The following GPC5 variants were observed in gnomAD, a reference collection of about 807,000 sequenced individuals.
GPC5 encodes the protein glypican-5.
A neutral mutation model predicts 53.9 loss-of-function variants in GPC5; 47 were observed. That is an observed-to-expected ratio of 0.87 (90% CI 0.69 to 1.11). The LOEUF is 1.11. Ranked by LOEUF, GPC5 falls within the 50% of genes most tolerant of loss-of-function variation. The probability of loss-of-function intolerance (pLI) is 0.00; values close to 1 mark genes in which losing one functional copy is unlikely to be tolerated. For missense variants in GPC5, 748 were observed against 713.1 expected (o/e 1.05, Z -0.56); for synonymous variants, 286 against 263.3 (o/e 1.09, Z -0.84).
intron 6 of GPC5, among the ~76,000 whole-genome samples, chr13:91,922,529 G>A (rs564787712): frequency 3.3e-5 from 5 of 152,030 alleles, no homozygotes; most frequent in South Asian, 4.1e-4. Flanking sequence ...AAATTATTAC[G>A]TTGACTTGAA....
intron 2 of GPC5, among the ~76,000 whole-genome samples, chr13:91,522,975 A>C (rs138968668): frequency 5.3e-5 from 8 of 152,348 alleles, no homozygotes; most frequent in African/African-American, 1.9e-4. Context: ...CAGTAAACAT[A>C]CATGAGCTGC....
intron 7 of GPC5, among the ~76,000 whole-genome samples, chr13:92,528,602 T>A (rs550491921): frequency 3.9e-5 from 6 of 152,088 alleles, no homozygotes; most frequent in Admixed American, 2.0e-4. Context: ...CTTGATGAAG[T>A]GATCTATTAA....
intron 2 of GPC5, among the ~76,000 whole-genome samples, chr13:91,548,755 T>C (rs2030444029): frequency 6.6e-6 from 1 of 152,086 alleles, no homozygotes; most frequent in African/African-American, 2.4e-5. Flanking sequence ...AACAGACAAA[T>C]GGATCAATGG....
intron 7 of GPC5, among the ~76,000 whole-genome samples, chr13:92,602,222 T>TAC: frequency 1.5e-5 from 1 of 67,718 alleles, no homozygotes; most frequent in South Asian, 6.5e-4. Flanking sequence ...TATATATAAA[T>TAC]ATATATATAA....
chr13:92,250,889 T>C (rs901473367), intron 7 of GPC5, among the ~76,000 whole-genome samples: 1 of 152,042 alleles, frequency 6.6e-6, no homozygotes, highest in Non-Finnish European at 1.5e-5. Flanking sequence ...AAAAGGATGT[T>C]TATACCGCAT....
At chr13:92,137,052 G>A (rs554043704) in intron 6 of GPC5, among the ~76,000 whole-genome samples, 3 of 151,528 alleles carry the variant, frequency 2.0e-5, no homozygotes, top group East Asian at 1.9e-4. Flanking sequence ...AGCACGTTCC[G>A]AAAGTTGTTT....
chr13:91,475,648 T>C (rs752030942), intron 2 of GPC5, among the ~76,000 whole-genome samples: 5 of 152,100 alleles, frequency 3.3e-5, no homozygotes, highest in Admixed American at 6.6e-5. Context: ...GGTGGGGATG[T>C]GTGTAGAACT....
chr13:92,337,193 C>A (rs571679968), intron 7 of GPC5, among the ~76,000 whole-genome samples: 4 of 113,266 alleles, frequency 3.5e-5, no homozygotes, highest in East Asian at 2.2e-4. Context: ...GTTAGCAGCA[C>A]CCCCCACCCA....
intron 2 of GPC5, among the ~76,000 whole-genome samples, chr13:91,582,168 T>C (rs1269145160): frequency 1.3e-5 from 2 of 152,120 alleles, no homozygotes; most frequent in African/African-American, 4.8e-5. Context: ...GGCAGTGGTT[T>C]AGACTCCAAA....
At chr13:91,478,570 T>G (rs1293967400) in intron 2 of GPC5, among the ~76,000 whole-genome samples, 1 of 151,656 alleles carries the variant, frequency 6.6e-6, no homozygotes. Flanking sequence ...TTAAATATTG[T>G]TACTGTAAAT....
chr13:91,623,415 G>T (rs1722458152), intron 2 of GPC5, among the ~76,000 whole-genome samples: 1 of 152,048 alleles, frequency 6.6e-6, no homozygotes, highest in Non-Finnish European at 1.5e-5. Flanking sequence ...CCCAGAAGGG[G>T]ATGAGGGCAA....
At chr13:92,251,631 A>G (rs936302580) in intron 7 of GPC5, among the ~76,000 whole-genome samples, 6 of 152,098 alleles carry the variant, frequency 3.9e-5, no homozygotes, top group African/African-American at 1.4e-4. Context: ...AATTAGAAGG[A>G]AGTAATGTAT....
At chr13:92,256,621 CAT>C (rs1224427189) in intron 7 of GPC5, among the ~76,000 whole-genome samples, 1 of 151,894 alleles carries the variant, frequency 6.6e-6, no homozygotes, top group African/African-American at 2.4e-5. Context: ...CTAACATTAA[CAT>C]ATTGGTTTTC....
chr13:91,894,449 CATG>C (rs1205855580), intron 5 of GPC5, among the ~76,000 whole-genome samples: 3 of 152,150 alleles, frequency 2.0e-5, no homozygotes, highest in Non-Finnish European at 1.5e-5. Context: ...GAGATTTCCC[CATG>C]ATGACCATTG....
chr13:92,138,594 A>G (rs1333179549), intron 6 of GPC5, among the ~76,000 whole-genome samples: 1 of 152,110 alleles, frequency 6.6e-6, no homozygotes, highest in African/African-American at 2.4e-5. Flanking sequence ...CAATCTGTAG[A>G]TTCATTTCAT....
intron 2 of GPC5, among the ~76,000 whole-genome samples, chr13:91,533,227 G>GAAAGCTC (rs767720960): frequency 1.4e-4 from 21 of 152,278 alleles, no homozygotes; most frequent in Non-Finnish European, 2.8e-4. Flanking sequence ...GAGGTGACAG[G>GAAAGCTC]ACCCAGGTGA....
intron 7 of GPC5, among the ~76,000 whole-genome samples, chr13:92,247,496 TCAAG>T (rs1375457603): frequency 6.6e-6 from 1 of 152,160 alleles, no homozygotes; most frequent in Non-Finnish European, 1.5e-5. Flanking sequence ...TGTTTACAAA[TCAAG>T]CAAGTATAAA....
intron 7 of GPC5, among the ~76,000 whole-genome samples, chr13:92,495,699 C>T (rs1326103251): frequency 4.0e-5 from 6 of 150,982 alleles, no homozygotes; most frequent in African/African-American, 1.2e-4. Context: ...CTTTTGTAGA[C>T]AGGCGGTTTT....
chr13:92,453,201 T>C (rs1878134014), intron 7 of GPC5, among the ~76,000 whole-genome samples: 1 of 152,238 alleles, frequency 6.6e-6, no homozygotes, highest in African/African-American at 2.4e-5. Flanking sequence ...ATACAACTAT[T>C]GCTCATTCTA....
Sources: allele counts gnomAD v4.1 joint callset (sites outside exome capture counted in the v4.1 genomes callset), GRCh38; gene constraint gnomAD v4.1.1; transcripts MANE v1.5; gene names NCBI Gene and HGNC (gene_info 2026-07-23, HGNC 2026-07-21).